The following RARS1 variants were observed in gnomAD, a reference collection of about 807,000 sequenced individuals.
RARS1 encodes the protein arginine--tRNA ligase, cytoplasmic.
Under a neutral mutation model 78.7 loss-of-function variants are expected in RARS1, and 75 were observed. The ratio of observed to expected loss-of-function variants is 0.95; its 90% CI spans 0.79 to 1.15. The LOEUF is 1.15. Among genes scored for constraint, RARS1 ranks in the 50% most tolerant of loss-of-function variants. The pLI, the probability that RARS1 is intolerant of heterozygous loss-of-function variation, is 0.00. For missense variants in RARS1, 787 were observed against 787.5 expected, an observed-to-expected ratio of 1.00 and a Z score of 0.01; for synonymous variants, 273 against 268.2, an observed-to-expected ratio of 1.02 and a Z score of -0.18.
At chr5:168,514,828 G>A (rs1758631336) in intron 12 of RARS1, among the ~76,000 whole-genome samples, 1 of 152,166 alleles carries the variant, frequency 6.6e-6, no homozygotes, top group African/African-American at 2.4e-5. Context: ...TGGGCAGTTA[G>A]TTCCTTGGTC....
chr5:168,506,342 G>A (rs1758445261), intron 10 of RARS1, 143 bp downstream of exon 10: 1 of 732,560 alleles, frequency 1.4e-6, no homozygotes, highest in East Asian at 3.0e-5. Flanking sequence ...ATAGAAGAAA[G>A]AAGAGGGTTT....
chr5:168,511,569 G>A (rs1056605002), intron 12 of RARS1, among the ~76,000 whole-genome samples: 1 of 152,200 alleles, frequency 6.6e-6, no homozygotes, highest in Non-Finnish European at 1.5e-5. Context: ...CAGATGAAAA[G>A]TGGTAAGTTC....
At chr5:168,511,922 G>C (rs562033585) in intron 12 of RARS1, among the ~76,000 whole-genome samples, 19 of 152,274 alleles carry the variant, frequency 1.2e-4, no homozygotes, top group African/African-American at 4.6e-4. Context: ...CTGGAGTGCA[G>C]TGGCAAGATC....
intron 2 of RARS1, 89 bp downstream of exon 2, chr5:168,488,825 T>C: frequency 7.1e-7 from 1 of 1,402,974 alleles, no homozygotes; most frequent in South Asian, 1.5e-5. Flanking sequence ...TGGAAGTATA[T>C]CCTATGGAAT....
At chr5:168,507,063 ATAGAT>A (rs1332707298) in intron 11 of RARS1, among the ~76,000 whole-genome samples, 1 of 152,224 alleles carries the variant, frequency 6.6e-6, no homozygotes, top group African/African-American at 2.4e-5. Flanking sequence ...TGTAGACCTA[ATAGAT>A]TATATATAAG....
chr5:168,502,564 A>T (rs1434648397), intron 9 of RARS1, among the ~76,000 whole-genome samples: 1 of 141,114 alleles, frequency 7.1e-6, no homozygotes, highest in Non-Finnish European at 1.5e-5. Flanking sequence ...AAGTTGATTC[A>T]TGAATTTTTT....
chr5:168,517,618 G>A (rs913691498), intron 13 of RARS1, among the ~76,000 whole-genome samples, 197 bp from the exon 14 acceptor site: 9 of 152,096 alleles, frequency 5.9e-5, no homozygotes, highest in Non-Finnish European at 1.3e-4. Flanking sequence ...TCCCCTAAAA[G>A]AATTATATTT....
chr5:168,500,466 A>G, intron 7 of RARS1, 125 bp from the exon 8 acceptor site: 3 of 917,892 alleles, frequency 3.3e-6, no homozygotes, highest in Non-Finnish European at 4.3e-6. Context: ...GAGGGAGAGC[A>G]CTTGTTCTCG....
At position 168,518,069 on chromosome 5, in the gene RARS1, G is replaced by GTTTTTTTTT. The variant is rs772589730; in HGVS notation, c.1873+8_1873+9insTTTTTTTTT. ...GAGAAAGATAGACAGACTGGTGAGT[G>GTTTTTTTTT]TCTTTTTTTTTTTTTTTTTTTTTTT... is the stretch of plus-strand genomic sequence containing the variant. On this transcript the variant is annotated splice_region_variant and intron_variant, in intron 14 of 14. Transcript: ENST00000231572. 38 of 675,840 alleles carry GTTTTTTTTT rather than the reference G, an allele frequency of 5.6e-5. No homozygotes were observed. Among genetic ancestry groups the GTTTTTTTTT allele is most frequent in the South Asian group, 2.6e-4 (8 of 30,660 alleles). 41.9% of individuals were successfully genotyped at this position (675,840 alleles called of 1,614,324 possible). A position where few individuals can be genotyped will look rare whatever the true frequency, so the allele number is the denominator to read the frequency against.
At chr5:168,492,531 C>T (rs149137092) in intron 2 of RARS1, 128 bp from the exon 3 acceptor site, 2 of 769,442 alleles carry the variant, frequency 2.6e-6, no homozygotes, top group East Asian at 5.3e-5. Context: ...GAGGGCATCA[C>T]ACCATAAGTA....
At chr5:168,502,568 A>AT (rs34271397) in intron 9 of RARS1, among the ~76,000 whole-genome samples, 34,285 of 121,140 alleles carry the variant, frequency 0.28, 5,865 homozygotes, top group Non-Finnish European at 0.38. Context: ...TGATTCATGA[A>AT]TTTTTTTTTT....
chr5:168,510,710 A>G (rs1758546772), intron 12 of RARS1, 24 bp downstream of exon 12: 1 of 1,505,508 alleles, frequency 6.6e-7, no homozygotes. Flanking sequence ...TTATAGGCAT[A>G]ATGTGTATCA....
At chr5:168,516,358 A>T (rs530173486) in intron 12 of RARS1, among the ~76,000 whole-genome samples, 1 of 152,260 alleles carries the variant, frequency 6.6e-6, no homozygotes, top group South Asian at 2.1e-4. Context: ...ATCTACTCTT[A>T]ATACACCCTT....
chr5:168,488,257 A>G, intron 1 of RARS1: 1 of 353,796 alleles, frequency 2.8e-6, no homozygotes, highest in Non-Finnish European at 5.6e-6. Context: ...CCTCCCAAGT[A>G]GCTAGGATTA....
chr5:168,488,633 T>A lies in RARS1; in HGVS notation c.77T>A (p.Ile26Asn). Reference sequence around the variant, plus strand: ...GAGATTAAATCTCTGACTGCTGAAATTGACCGGTTGAAAAACTGTGGCTGT... The same window carrying A: ...GAGATTAAATCTCTGACTGCTGAAAATGACCGGTTGAAAAACTGTGGCTGT... Reference protein sequence around the residue: ...EEEIKSLTAEIDRLKNCGCLG... With the variant: ...EEEIKSLTAENDRLKNCGCLG... The change falls in exon 2 of 15, where the codon ATT becomes AAT. Residue 26 changes from isoleucine (I) to asparagine (N), a missense_variant. Transcript: ENST00000231572. The A allele has an allele frequency of 1.9e-6, 3 of 1,610,074 alleles. No individual in the cohort carries two copies. Among genetic ancestry groups the A allele is most frequent in the Non-Finnish European group, 2.5e-6 (3 of 1,179,196 alleles).
intron 11 of RARS1, among the ~76,000 whole-genome samples, chr5:168,507,072 A>G (rs942307997): frequency 1.3e-5 from 2 of 152,214 alleles, no homozygotes; most frequent in Non-Finnish European, 2.9e-5. Context: ...AATAGATTAT[A>G]TATAAGGGGT....
intron 9 of RARS1, 150 bp from the exon 10 acceptor site, chr5:168,505,871 G>GA (rs1360191700): frequency 4.0e-6 from 3 of 748,206 alleles, no homozygotes; most frequent in Non-Finnish European, 6.1e-6. Context: ...TCATGGTGAG[G>GA]AAAAAATTAT....
chr5:168,511,425 T>G (rs1185004500), intron 12 of RARS1, among the ~76,000 whole-genome samples: 1 of 149,976 alleles, frequency 6.7e-6, no homozygotes, highest in Non-Finnish European at 1.5e-5. Flanking sequence ...AGAGAGAGAG[T>G]AGGGGGAGAA....
intron 3 of RARS1, chr5:168,493,308 A>G (rs533535640): frequency 1.8e-3 from 282 of 157,014 alleles, no homozygotes; most frequent in Middle Eastern, 9.8e-3. Flanking sequence ...GGTTAACTGC[A>G]TCTGGCTTGG....
Sources: gnomAD v4.1 joint callset for allele counts (sites outside exome capture counted in the v4.1 genomes callset) on GRCh38, gnomAD v4.1.1 for gene constraint, MANE v1.5 for transcripts, NCBI Gene and HGNC (gene_info 2026-07-23, HGNC 2026-07-21) for gene names.